The following ARHGAP9 variants were observed in gnomAD, a reference collection of about 807,000 sequenced individuals.
ARHGAP9 encodes the protein rho GTPase-activating protein 9.
Under a neutral mutation model 87.3 loss-of-function variants are expected in ARHGAP9, and 76 were observed. The observed-to-expected ratio is 0.87, with a 90% CI of 0.72 to 1.05. ARHGAP9 has a LOEUF of 1.05. Among genes scored for constraint, ARHGAP9 ranks in the 50% least tolerant of loss-of-function variants. The pLI is 0.00. For missense variants in ARHGAP9, 941 were observed against 960.5 expected, an observed-to-expected ratio of 0.98 and a Z score of 0.27; for synonymous variants, 382 against 394.9, an observed-to-expected ratio of 0.97 and a Z score of 0.39.
chr12:57,480,646 A>G (rs1326776991), upstream of ARHGAP9: 2 of 833,178 alleles, frequency 2.4e-6, no homozygotes. Context: ...ATCAGGAACA[A>G]TGGACAAGTA....
upstream of ARHGAP9, among the ~76,000 whole-genome samples, chr12:57,482,204 T>C (rs1875062277): frequency 6.6e-6 from 1 of 152,122 alleles, no homozygotes; most frequent in Admixed American, 6.6e-5. Flanking sequence ...GCCTAGGAGC[T>C]TGAGGTGCAA....
chr12:57,476,084 C>G lies in ARHGAP9; in HGVS notation c.1199G>C (p.Arg400Pro). Residue 400 changes from arginine (R) to proline (P), a missense_variant, in exon 9 of 18, where the codon CGC becomes CCC. Transcript: ENST00000393791. Reference sequence around the variant, plus strand: ...GAGGGCGCTCACGTGCAGGACGTTGCGGCGGCTGGACAGGTGGCGGCCGTG... The same window carrying G: ...GAGGGCGCTCACGTGCAGGACGTTGGGGCGGCTGGACAGGTGGCGGCCGTG... The part of the protein sequence containing the change: ...LAHGRHLSSR[R>P]NVLHIRTIPG... The G allele has an allele frequency of 6.5e-7, 1 of 1,536,252 alleles. No homozygotes were observed. The highest frequency in any genetic ancestry group is 1.2e-5 in the South Asian group (1 of 83,296).
chr12:57,486,822 G>A (rs1875449837), intron 1 of ARHGAP9, among the ~76,000 whole-genome samples: 1 of 147,068 alleles, frequency 6.8e-6, no homozygotes, highest in African/African-American at 2.5e-5. Flanking sequence ...GGGGACGGAG[G>A]TTGCAGTGAG....
At chr12:57,485,027 C>T (rs1287888735) in intron 1 of ARHGAP9, among the ~76,000 whole-genome samples, 1 of 151,702 alleles carries the variant, frequency 6.6e-6, no homozygotes, top group Non-Finnish European at 1.5e-5. Flanking sequence ...CTCACTGCAA[C>T]CTCTGCCTCC....
chr12:57,475,091 G>A, intron 12 of ARHGAP9, 118 bp from the exon 13 acceptor site: 1 of 1,214,936 alleles, frequency 8.2e-7, no homozygotes, highest in Admixed American at 2.1e-5. Context: ...GCCAGGCCTG[G>A]GCAAGGAAAT....
intron 1 of ARHGAP9, among the ~76,000 whole-genome samples, chr12:57,485,625 G>A (rs1875344333): frequency 6.6e-6 from 1 of 151,228 alleles, no homozygotes; most frequent in Non-Finnish European, 1.5e-5. Context: ...CTGGGCTCAA[G>A]TGATCCAGCT....
rs1350475434 is a variant in ARHGAP9 at position 57,488,453 on chromosome 12, C to A, written c.-204+159G>T. 5 of 1,020,414 alleles carry A rather than the reference C, an allele frequency of 4.9e-6. No homozygotes were observed. In the East Asian group the frequency reaches 7.8e-5, roughly 16 times the overall value. 63.2% of individuals were successfully genotyped at this position (1,020,414 alleles called of 1,614,324 possible). A position where few individuals can be genotyped will look rare whatever the true frequency, so the allele number is the denominator to read the frequency against. On this transcript the variant is annotated intron_variant, in intron 1 of 20. Coordinates refer to the ARHGAP9 transcript ENST00000393797. ...CCGTCTTCCCGGTCCCCGCCTCACC[C>A]CAGTAAACTGCTCTTCCCTTCCCAA...
upstream of ARHGAP9, chr12:57,484,051 A>AT (rs1307486230): frequency 3.7e-6 from 1 of 270,578 alleles, no homozygotes; most frequent in Non-Finnish European, 7.4e-6. Context: ...AAAAAAAAAA[A>AT]AAAAAAAAAA....
chr12:57,476,657 A>G lies in ARHGAP9; in HGVS notation c.964-6T>C. ...AGACCCGACTTTTCCACCTCCTGGGAAGTGGAGGGAATGGGATCTGTAAGT... is the reference window on the plus strand; with the variant it reads ...AGACCCGACTTTTCCACCTCCTGGGGAGTGGAGGGAATGGGATCTGTAAGT... On this transcript the variant is annotated splice_region_variant and splice_polypyrimidine_tract_variant and intron_variant, in intron 6 of 17. Transcript: ENST00000393791. 6.3e-7 allele frequency: 1 copy of G among 1,597,798 alleles called. No homozygotes were observed. The highest frequency in any genetic ancestry group is 8.5e-7 in the Non-Finnish European group (1 of 1,170,030).
At chr12:57,475,226 T>C (rs908949866) in intron 12 of ARHGAP9, 65 bp downstream of exon 12, 2 of 1,471,586 alleles carry the variant, frequency 1.4e-6, no homozygotes, top group African/African-American at 1.4e-5. Flanking sequence ...GGTCTAGTTC[T>C]GGGAAGCTCT....
chr12:57,475,483 T>A lies in ARHGAP9; in HGVS notation c.1444A>T (p.Ile482Phe). 6.3e-7 allele frequency: 1 copy of A among 1,598,666 alleles called. No homozygotes were observed. Residue 482 changes from isoleucine to phenylalanine, a missense_variant and splice_region_variant, in exon 11 of 18, where the codon ATT (isoleucine) becomes TTT (phenylalanine). Transcript: ENST00000393791. ...LLRLSSRRSS[I>F]RGPEGTEQNR... ...TCTCCCTCCCCAGCCCGCGCCTCAC[T>A]GGAGCTCCGGCGGCTGCTGAGGCGC...
At position 57,475,899 on chromosome 12, in the gene ARHGAP9, C is replaced by T; in HGVS notation, c.1245G>A (p.Leu415=). Residue 415 remains leucine (L), a synonymous_variant, in exon 10 of 18, where the codon CTG becomes CTA. Transcript: ENST00000393791. ...IRTIPGHEFL[L]QSDHETELRA... is the part of the protein sequence containing the mutation. The stretch of plus-strand genomic sequence containing the variant: ...GCAGCTCTGTCTCGTGGTCCGACTG[C>T]AGCAGGAACTCGTGGCCAGGGATCG... 1.2e-6 allele frequency: 2 copies of T among 1,613,794 alleles called. No homozygotes were observed. Among genetic ancestry groups the T allele is most frequent in the Non-Finnish European group, 8.5e-7 (1 of 1,179,852 alleles).
chr12:57,488,223 C>G (rs759539337), intron 1 of ARHGAP9: 3 of 1,591,066 alleles, frequency 1.9e-6, no homozygotes, highest in Non-Finnish European at 2.6e-6. Flanking sequence ...TGCTGGTGGG[C>G]GGTGGATGGG....
At chr12:57,479,950 G>C, upstream of ARHGAP9, 5 of 1,403,118 alleles carry the variant, frequency 3.6e-6, no homozygotes, top group Non-Finnish European at 4.6e-6. Flanking sequence ...CCATAGCTGC[G>C]TGCTTCCTGT....
upstream of ARHGAP9, among the ~76,000 whole-genome samples, chr12:57,483,665 G>A (rs866841997): frequency 1.3e-5 from 2 of 152,064 alleles, no homozygotes; most frequent in East Asian, 1.9e-4. Flanking sequence ...CCTGAAACAC[G>A]TCCCTTCTCC....
At position 57,472,496 on chromosome 12, in the gene ARHGAP9, T is replaced by G. The variant is rs761112682; in HGVS notation, c.*21A>C. The G allele has an allele frequency of 1.1e-4, 181 of 1,611,652 alleles. No individual in the cohort carries two copies. The highest frequency in any genetic ancestry group is 1.4e-4 in the Non-Finnish European group (168 of 1,178,498). ...CACCAGAGATGACCGGAAATATGTT[T>G]TCTCTTCTTCCTTCCCTGCATCAGG... is the stretch of plus-strand genomic sequence containing the variant. On this transcript the variant is annotated 3_prime_UTR_variant, in exon 18 of 18. Transcript: ENST00000393791.
In ARHGAP9 at chr12:57,479,074, G is replaced by C; in HGVS notation, c.316+17C>G. On this transcript the variant is annotated intron_variant, in intron 2 of 17. Transcript: ENST00000393791. ...GGAGGTAGGAAGGTGAAGGGAGAGG[G>C]CTTAGCGCTTACTCACCAGGAGTCC... 3 of 1,612,722 alleles carry C rather than the reference G, an allele frequency of 1.9e-6. No individual in the cohort carries two copies. The highest frequency in any genetic ancestry group is 2.5e-6 in the Non-Finnish European group (3 of 1,178,996).
intron 1 of ARHGAP9, among the ~76,000 whole-genome samples, chr12:57,484,945 G>A (rs922008849): frequency 8.2e-5 from 12 of 146,436 alleles, no homozygotes; most frequent in Non-Finnish European, 1.5e-4. Context: ...TGCGCCCAGC[G>A]TATTTATTTA....
At chr12:57,475,808 C>T (rs377740614) in intron 10 of ARHGAP9, 25 bp downstream of exon 10, 2 of 1,611,542 alleles carry the variant, frequency 1.2e-6, no homozygotes, top group African/African-American at 2.7e-5. Flanking sequence ...GTCGGAGCCT[C>T]CCTCCGGGCC....
Sources: gnomAD v4.1 joint callset for allele counts (sites outside exome capture counted in the v4.1 genomes callset) on GRCh38, gnomAD v4.1.1 for gene constraint, MANE v1.5 for transcripts, NCBI Gene and HGNC (gene_info 2026-07-23, HGNC 2026-07-21) for gene names.